CACNA1C: variants seen among roughly 807,000 people sequenced by gnomAD.
CACNA1C encodes calcium voltage-gated channel subunit alpha1 C.
In CACNA1C, 30 loss-of-function variants were observed where a neutral mutation model predicts 229.0. That is an observed-to-expected ratio of 0.13 (90% CI 0.10 to 0.18). The LOEUF (loss-of-function observed/expected upper bound fraction) is 0.18. CACNA1C is among the 10% of genes least tolerant of loss of function. The probability of loss-of-function intolerance (pLI) is 1.00; values close to 1 mark genes in which losing one functional copy is unlikely to be tolerated. For synonymous variants in CACNA1C, 1,114 were observed against 1,132.5 expected (o/e 0.98, Z 0.33); for missense variants, 1,658 against 2,845.0 (o/e 0.58, Z 9.49).
chr12:2,500,753 T>C (rs2099757685), intron 7 of CACNA1C, among the ~76,000 whole-genome samples: 1 of 152,024 alleles, frequency 6.6e-6, no homozygotes, highest in African/African-American at 2.4e-5. Context: ...AACAGACCAG[T>C]TGTTTGGAGT....
intron 13 of CACNA1C, among the ~76,000 whole-genome samples, chr12:2,578,820 G>A (rs1437460808): frequency 1.3e-5 from 2 of 152,144 alleles, no homozygotes; most frequent in Admixed American, 6.5e-5. Flanking sequence ...GGGCGGCAGG[G>A]AGAGTGGGCA....
chr12:2,325,122 C>T (rs560552051), intron 3 of CACNA1C, among the ~76,000 whole-genome samples: 3 of 152,290 alleles, frequency 2.0e-5, no homozygotes, highest in South Asian at 2.1e-4. Context: ...TCCTGTAAAG[C>T]GGATGAGTGT....
intron 1 of CACNA1C, among the ~76,000 whole-genome samples, chr12:2,109,736 T>A (rs945292900): frequency 6.6e-6 from 1 of 152,158 alleles, no homozygotes; most frequent in East Asian, 1.9e-4. Flanking sequence ...AAGGTCAGGG[T>A]GGCTACTGCA....
chr12:2,231,578 T>G (rs1487105699), intron 3 of CACNA1C, among the ~76,000 whole-genome samples: 1 of 152,180 alleles, frequency 6.6e-6, no homozygotes, highest in African/African-American at 2.4e-5. Context: ...ACAAATGGGT[T>G]TTGTTTCTGT....
chr12:2,249,874 G>A (rs555936358), intron 3 of CACNA1C, among the ~76,000 whole-genome samples: 2 of 150,940 alleles, frequency 1.3e-5, no homozygotes. Flanking sequence ...AGGTTCACGC[G>A]ATTCTCCTGC....
chr12:2,527,565 A>G (rs1238518840), intron 9 of CACNA1C, among the ~76,000 whole-genome samples: 2 of 152,208 alleles, frequency 1.3e-5, no homozygotes, highest in Non-Finnish European at 2.9e-5. Context: ...GAAAATAACC[A>G]AATGCACACC....
chr12:2,073,132 T>A (rs2283271), intron 1 of CACNA1C, among the ~76,000 whole-genome samples: 116,047 of 152,054 alleles, frequency 0.76, 44,734 homozygotes, highest in African/African-American at 0.84. Flanking sequence ...AAAGTCTTGC[T>A]CTGTTTTCCA....
intron 5 of CACNA1C, among the ~76,000 whole-genome samples, chr12:2,462,837 A>G (rs2099520108): frequency 6.6e-6 from 1 of 152,190 alleles, no homozygotes; most frequent in African/African-American, 2.4e-5. Context: ...TTTTCTTACA[A>G]CAAATAGGTT....
intron 30 of CACNA1C, among the ~76,000 whole-genome samples, chr12:2,635,089 A>G (rs1177309077): frequency 2.0e-5 from 3 of 151,936 alleles, no homozygotes; most frequent in African/African-American, 7.3e-5. Context: ...CTCTGGGTGG[A>G]CCTTTCCTCC....
intron 3 of CACNA1C, among the ~76,000 whole-genome samples, chr12:2,427,812 G>A (rs1261961156): frequency 6.6e-6 from 1 of 152,064 alleles, no homozygotes; most frequent in Non-Finnish European, 1.5e-5. Context: ...TAGAGACGGA[G>A]TTTTACCATG....
chr12:2,068,637 T>G (rs1446666233), intron 1 of CACNA1C, among the ~76,000 whole-genome samples: 9 of 152,212 alleles, frequency 5.9e-5, no homozygotes, highest in Non-Finnish European at 1.5e-5. Flanking sequence ...TGTTCTTCCA[T>G]TTTTGGCTAG....
chr12:2,052,978 G>T, upstream of CACNA1C: 4 of 982,230 alleles, frequency 4.1e-6, no homozygotes, highest in Non-Finnish European at 4.8e-6. Context: ...GCGCTCTCGC[G>T]CGCCCGGTGT....
At chr12:2,374,576 G>T (rs2097978432) in intron 3 of CACNA1C, among the ~76,000 whole-genome samples, 1 of 152,196 alleles carries the variant, frequency 6.6e-6, no homozygotes, top group South Asian at 2.1e-4. Flanking sequence ...CTACTCTGAG[G>T]CATTGGTAGA....
At position 2,528,188 on chromosome 12, in the gene CACNA1C, A is replaced by G. The variant is rs76886497; in HGVS notation, c.1390+15204A>G. On this transcript the variant is annotated intron_variant, in intron 9 of 46. Coordinates refer to ENST00000399655, the MANE Select transcript of CACNA1C (RefSeq NM_000719.7). ...AGGAGCCAGAGAAAAGCAGGCAGCC[A>G]GACTTCACGGCCCCACTTGATAGCC... Among the ~76,000 whole-genome samples, 73 of 152,330 alleles carry G rather than the reference A, an allele frequency of 4.8e-4. 1 individual carries two copies. In the East Asian group the frequency reaches 9.6e-3, roughly 20 times the overall value.
chr12:2,440,288 T>C (rs4765931), intron 3 of CACNA1C, among the ~76,000 whole-genome samples: 151,307 of 152,218 alleles, frequency 0.99, 75,200 homozygotes, highest in Middle Eastern at 1. Context: ...CCATTGCTCC[T>C]TCCCCCAGCC....
intron 3 of CACNA1C, among the ~76,000 whole-genome samples, chr12:2,294,508 C>T (rs144583163): frequency 2.5e-3 from 368 of 145,608 alleles, no homozygotes; most frequent in African/African-American, 8.7e-3. Flanking sequence ...GAGTGAGGGG[C>T]GGGGGAGGCT....
At chr12:2,627,095 C>T (rs216017) in intron 29 of CACNA1C, among the ~76,000 whole-genome samples, 1 of 152,094 alleles carries the variant, frequency 6.6e-6, no homozygotes, top group Non-Finnish European at 1.5e-5. Flanking sequence ...GAGGCAAGCA[C>T]CCAGCCCCCT....
rs1318185260 is a variant in CACNA1C at position 2,575,116 on chromosome 12, G to T, written c.1896-6474G>T. ...TTGACCAGGTTACACTCCCCATGCAGGTTCCGTTCTTAATGTGACCGAGAC... is the reference window on the plus strand; with the variant it reads ...TTGACCAGGTTACACTCCCCATGCATGTTCCGTTCTTAATGTGACCGAGAC... On this transcript the variant is annotated intron_variant, in intron 13 of 46. Transcript: ENST00000399655. This position sits in a 1 kb window ranked among gnomAD's most constrained non-coding sequence, Gnocchi z 4.0. 6.6e-6 allele frequency among the ~76,000 whole-genome samples: 1 copy of T among 152,210 alleles called. No individual in the cohort carries two copies. Among genetic ancestry groups the T allele is most frequent in the African/African-American group, 2.4e-5 (1 of 41,452 alleles).
At chr12:2,109,878 G>A (rs993736664) in intron 1 of CACNA1C, among the ~76,000 whole-genome samples, 9 of 152,240 alleles carry the variant, frequency 5.9e-5, no homozygotes, top group African/African-American at 2.2e-4. Context: ...TTGAGAATAA[G>A]CCCATTCTTT....
Sources: allele counts gnomAD v4.1 joint callset (sites outside exome capture counted in the v4.1 genomes callset), GRCh38; gene constraint gnomAD v4.1.1; non-coding constraint Gnocchi (gnomAD v3.1); transcripts MANE v1.5; gene names NCBI Gene and HGNC (gene_info 2026-07-23, HGNC 2026-07-21).